CCDC197: variants seen among roughly 807,000 people sequenced by gnomAD.
CCDC197 encodes the protein uncharacterized protein CCDC197.
In CCDC197, 24 loss-of-function variants were observed where a neutral mutation model predicts 13.4. The observed-to-expected ratio is 1.80, with a 90% CI of 1.30 to 2.53. The LOEUF (loss-of-function observed/expected upper bound fraction) is 2.53. Among genes scored for constraint, CCDC197 ranks in the 30% most tolerant of loss-of-function variants. The probability of loss-of-function intolerance (pLI) is 0.00; values close to 1 mark genes in which losing one functional copy is unlikely to be tolerated. For missense variants in CCDC197, 255 were observed against 148.8 expected (o/e 1.71, Z -3.71); for synonymous variants, 99 against 55.5 (o/e 1.78, Z -3.48).
At chr14:94,004,827 C>G (rs911732710) in intron 5 of CCDC197, 28 bp from the exon 6 acceptor site, 2 of 701,158 alleles carry the variant, frequency 2.9e-6, no homozygotes, top group Non-Finnish European at 5.2e-6. Context: ...GAGCCTGAGC[C>G]ACCACCTCCT....
chr14:93,988,428 T>G (rs1595345883), intron 1 of CCDC197, among the ~76,000 whole-genome samples: 1 of 53,156 alleles, frequency 1.9e-5, no homozygotes, highest in Non-Finnish European at 3.5e-5. Flanking sequence ...GAGGAGCAGA[T>G]GGGAGGAGAG....
At chr14:93,993,344 G>A (rs534629418), upstream of CCDC197, among the ~76,000 whole-genome samples, 33 of 152,318 alleles carry the variant, frequency 2.2e-4, no homozygotes, top group African/African-American at 7.7e-4. Context: ...TAAAATGTTC[G>A]TTCATATCTT....
chr14:94,007,610 C>T (rs1186471457), intron 6 of CCDC197: 1 of 152,154 alleles, frequency 6.6e-6, no homozygotes, highest in Non-Finnish European at 1.5e-5. Flanking sequence ...TACCAGGGCA[C>T]ATCTTGTGTC....
chr14:93,988,787 T>C, intron 1 of CCDC197, among the ~76,000 whole-genome samples: 1 of 73,624 alleles, frequency 1.4e-5, no homozygotes, highest in Non-Finnish European at 2.6e-5. Context: ...GAGAAGGGGA[T>C]GGGAGGAGAG....
At chr14:94,009,385 AC>A (rs1341411773), downstream of CCDC197, among the ~76,000 whole-genome samples, 7 of 152,100 alleles carry the variant, frequency 4.6e-5, no homozygotes, top group East Asian at 1.4e-3. Context: ...TCTCAGGGAG[AC>A]CTTGGCAAGG....
At chr14:93,995,521 T>C (rs563096974), upstream of CCDC197, among the ~76,000 whole-genome samples, 95 of 152,228 alleles carry the variant, frequency 6.2e-4, no homozygotes, top group Middle Eastern at 6.8e-3. Context: ...TGCTCAGCTG[T>C]CCCGATTCCT....
chr14:94,009,040 C>T (rs1373720827), downstream of CCDC197, among the ~76,000 whole-genome samples: 1 of 152,142 alleles, frequency 6.6e-6, no homozygotes, highest in East Asian at 1.9e-4. Context: ...GGCAGGTTCC[C>T]GAGTTGGGGG....
chr14:94,010,348 C>T (rs180792057), downstream of CCDC197, among the ~76,000 whole-genome samples: 437 of 152,278 alleles, frequency 2.9e-3, 2 homozygotes, highest in Middle Eastern at 0.024. Flanking sequence ...GGACTACAGG[C>T]GCGTGCCACC....
chr14:93,996,181 C>T (rs925971929), upstream of CCDC197, among the ~76,000 whole-genome samples: 2 of 152,186 alleles, frequency 1.3e-5, no homozygotes, highest in South Asian at 2.1e-4. Flanking sequence ...TCTGCATCCA[C>T]GTCCCCCACA....
At position 93,999,535 on chromosome 14, in the gene CCDC197, G is replaced by C. The variant is rs370674358; in HGVS notation, c.105-48G>C. On this transcript the variant is annotated intron_variant, in intron 2 of 6. Transcript: ENST00000636493. ...TCCAGGTTCATTCACAGGGGGTCCTGCGTGACCTGGGAGCCTCCAGGCCAT... is the reference window on the plus strand; with the variant it reads ...TCCAGGTTCATTCACAGGGGGTCCTCCGTGACCTGGGAGCCTCCAGGCCAT... 2.8e-5 allele frequency: 22 copies of C among 778,478 alleles called. No homozygotes were observed. The African/African-American group carries it at 3.4e-4, about 12-fold the overall frequency. 48.2% of individuals were successfully genotyped at this position (778,478 alleles called of 1,614,324 possible).
At chr14:93,995,718 C>T (rs891827256), upstream of CCDC197, among the ~76,000 whole-genome samples, 1 of 152,182 alleles carries the variant, frequency 6.6e-6, no homozygotes, top group Non-Finnish European at 1.5e-5. Context: ...TCTGGGGGCG[C>T]CTCCCTGAGT....
At position 94,008,688 on chromosome 14, in the gene CCDC197, G is replaced by A. The variant is rs779715903; in HGVS notation, c.695G>A (p.Ser232Asn). 15 of 703,034 alleles carry A rather than the reference G, an allele frequency of 2.1e-5. No homozygotes were observed. Among genetic ancestry groups the A allele is most frequent in the South Asian group, 2.1e-4 (14 of 67,606 alleles). 43.5% of individuals were successfully genotyped at this position (703,034 alleles called of 1,614,324 possible). A position where few individuals can be genotyped will look rare whatever the true frequency, so the allele number is the denominator to read the frequency against. Reference sequence around the variant, plus strand: ...CCCAAAGTGTGCTGGTCATGGGACAGCTTCGGGGACCAGTGGCTCAGAAGA... The same window carrying A: ...CCCAAAGTGTGCTGGTCATGGGACAACTTCGGGGACCAGTGGCTCAGAAGA... ...TEPKVCWSWD[S>N]FGDQWLRRHP... is the part of the protein sequence containing the mutation. The change falls in exon 7 of 7, where the codon AGC becomes AAC. Residue 232 changes from serine (S) to asparagine (N), a missense_variant. Ser to Asn is a conservative substitution (Grantham distance 46). Transcript: ENST00000636493.
chr14:93,990,068 C>T (rs1269000110), intron 1 of CCDC197, among the ~76,000 whole-genome samples: 1 of 152,226 alleles, frequency 6.6e-6, no homozygotes, highest in Admixed American at 6.5e-5. Context: ...CTTACTTCCT[C>T]TTCTACCAGC....
At chr14:93,990,742 G>C (rs898041609) in intron 1 of CCDC197, among the ~76,000 whole-genome samples, 3 of 152,204 alleles carry the variant, frequency 2.0e-5, no homozygotes, top group Non-Finnish European at 2.9e-5. Context: ...TTCAGGAGAG[G>C]CCTGGCCTTT....
chr14:94,007,195 T>C (rs1397482437), intron 6 of CCDC197: 1 of 152,214 alleles, frequency 6.6e-6, no homozygotes, highest in Non-Finnish European at 1.5e-5. Context: ...AAAAAGCCAT[T>C]ACCTAATCCA....
chr14:93,996,596 CCT>C (rs1890319090), upstream of CCDC197, among the ~76,000 whole-genome samples: 1 of 152,214 alleles, frequency 6.6e-6, no homozygotes, highest in Admixed American at 6.5e-5. Context: ...CCTCCTTCAC[CCT>C]CTCTGGGGAC....
At chr14:93,989,167 G>A (rs986835196) in intron 1 of CCDC197, among the ~76,000 whole-genome samples, 1 of 152,052 alleles carries the variant, frequency 6.6e-6, no homozygotes. Context: ...TCCAGCCAGA[G>A]TTACTGAGAT....
At chr14:93,997,097 C>T (rs1182040253), upstream of CCDC197, 1 of 152,308 alleles carries the variant, frequency 6.6e-6, no homozygotes, top group African/African-American at 2.4e-5. Context: ...TAGCCCAAGT[C>T]TCACATGGGG....
At position 94,004,971 on chromosome 14, in the gene CCDC197, G is replaced by T. The variant is rs1355181687; in HGVS notation, c.615G>T (p.Lys205Asn). 1.4e-6 allele frequency: 1 copy of T among 702,702 alleles called. No individual in the cohort carries two copies. The highest frequency in any genetic ancestry group is 2.6e-6 in the Non-Finnish European group (1 of 384,830). 43.5% of individuals were successfully genotyped at this position (702,702 alleles called of 1,614,324 possible). The change falls in exon 6 of 7, where the codon AAG (lysine) becomes AAT (asparagine). Residue 205 changes from lysine to asparagine, a missense_variant and splice_region_variant. Physicochemically the swap from Lys to Asn is moderately conservative, Grantham distance 94. Transcript: ENST00000636493. Reference sequence around the variant, plus strand: ...TCTTCTCCAAGCTCGATCTGATTAAGGTAAGGATAGACAGATGGCTGCGGG... The same window carrying T: ...TCTTCTCCAAGCTCGATCTGATTAATGTAAGGATAGACAGATGGCTGCGGG... Reference protein sequence around the residue: ...MDLFSKLDLIKEFMLDKMETV... With the variant: ...MDLFSKLDLINEFMLDKMETV...
Sources: allele counts gnomAD v4.1 joint callset (sites outside exome capture counted in the v4.1 genomes callset), GRCh38; gene constraint gnomAD v4.1.1; transcripts MANE v1.5; gene names NCBI Gene and HGNC (gene_info 2026-07-23, HGNC 2026-07-21).